MON2: variants seen among roughly 807,000 people sequenced by gnomAD.
The protein encoded by MON2 is MON2 regulator of endosome-to-Golgi trafficking, also known as protein MON2 homolog.
Under a neutral mutation model 208.6 loss-of-function variants are expected in MON2, and 84 were observed. That is an observed-to-expected ratio of 0.40 (90% CI 0.34 to 0.48). The LOEUF (loss-of-function observed/expected upper bound fraction) is 0.48. Ranked by LOEUF, MON2 falls within the 20% of genes least tolerant of loss-of-function variation. The pLI is 0.59. For missense variants in MON2, 1,611 were observed against 2,015.4 expected, an observed-to-expected ratio of 0.80 and a Z score of 3.84; for synonymous variants, 660 against 694.0, an observed-to-expected ratio of 0.95 and a Z score of 0.77.
intron 11 of MON2, among the ~76,000 whole-genome samples, chr12:62,528,374 T>G (rs943667029): frequency 1.3e-5 from 2 of 152,198 alleles, no homozygotes; most frequent in Admixed American, 1.3e-4. Context: ...TAAGTATTGG[T>G]GGCATATTCT....
At chr12:62,578,162 C>T (rs1306068474) in intron 30 of MON2, among the ~76,000 whole-genome samples, 3 of 152,204 alleles carry the variant, frequency 2.0e-5, no homozygotes, top group East Asian at 1.9e-4. Flanking sequence ...CTTTACCTTT[C>T]GTTGTTTTTT....
chr12:62,502,617 T>C (rs2070901008), intron 7 of MON2, among the ~76,000 whole-genome samples: 1 of 152,166 alleles, frequency 6.6e-6, no homozygotes, highest in Non-Finnish European at 1.5e-5. Flanking sequence ...GTGAGCTACT[T>C]GTATAATATT....
chr12:62,508,580 TCAA>T, intron 8 of MON2, 100 bp downstream of exon 8: 1 of 1,076,992 alleles, frequency 9.3e-7, no homozygotes, highest in Non-Finnish European at 1.4e-6. Context: ...TCAATTCAGT[TCAA>T]CAGAATTTTT....
At chr12:62,524,845 TGTG>T (rs2072252502) in intron 9 of MON2, among the ~76,000 whole-genome samples, 1 of 152,058 alleles carries the variant, frequency 6.6e-6, no homozygotes, top group African/African-American at 2.4e-5. Context: ...GGTAAACACA[TGTG>T]GTGAGTGATA....
intron 7 of MON2, among the ~76,000 whole-genome samples, chr12:62,502,492 T>C (rs919160526): frequency 4.6e-5 from 7 of 150,658 alleles, no homozygotes; most frequent in Admixed American, 1.3e-4. Flanking sequence ...GTTACATTAC[T>C]TTTTTTTTAG....
In MON2 at chr12:62,499,066, G is replaced by A. The variant is rs1202932277; in HGVS notation, c.565+18G>A. The A allele has an allele frequency of 1.9e-6, 3 of 1,604,704 alleles. No individual in the cohort carries two copies. The highest frequency in any genetic ancestry group is 3.4e-5 in the Admixed American group (2 of 58,044). On this transcript the variant is annotated intron_variant, in intron 5 of 34. Transcript: ENST00000393630. ...ACACAGAGGTAAAGTGCTAGAAGTT[G>A]TTTTACTTTGTGGGTGGTTCTTGGA...
intron 11 of MON2, among the ~76,000 whole-genome samples, chr12:62,527,905 CT>C (rs1049492326): frequency 6.6e-6 from 1 of 151,066 alleles, no homozygotes. Flanking sequence ...TGTAGAACTC[CT>C]TTTTAAAATT....
intron 26 of MON2, among the ~76,000 whole-genome samples, chr12:62,562,701 T>C (rs963566357): frequency 1.3e-5 from 2 of 152,192 alleles, no homozygotes; most frequent in African/African-American, 2.4e-5. Context: ...CTTAAACTAA[T>C]AGTTATCGAG....
At chr12:62,534,542 A>ATATATATATT (rs1306662466) in intron 12 of MON2, among the ~76,000 whole-genome samples, 2 of 22,850 alleles carry the variant, frequency 8.8e-5, no homozygotes, top group African/African-American at 3.9e-4. Flanking sequence ...AAAAAAAAAA[A>ATATATATATT]ATATATATAT....
intron 8 of MON2, among the ~76,000 whole-genome samples, chr12:62,519,380 G>A (rs372637437): frequency 3.3e-5 from 5 of 152,048 alleles, no homozygotes; most frequent in African/African-American, 1.2e-4. Context: ...AGAGGTATCA[G>A]GACCCAAAAT....
In MON2 at chr12:62,522,354, T is replaced by C. The variant is rs1167907893; in HGVS notation, c.985-2161T>C. ...ACTACCAAATCTATTAGCTCCAAGGTTGTTAACTCGGACAAGCTCCTGACA... is the reference window on the plus strand; with the variant it reads ...ACTACCAAATCTATTAGCTCCAAGGCTGTTAACTCGGACAAGCTCCTGACA... On this transcript the variant is annotated intron_variant, in intron 8 of 34. Coordinates refer to ENST00000393630, the MANE Select transcript of MON2 (RefSeq NM_015026.3). Among the ~76,000 whole-genome samples, 6 of 152,218 alleles carry C rather than the reference T, an allele frequency of 3.9e-5. No homozygotes were observed. In the South Asian group the frequency reaches 1.2e-3, roughly 32 times the overall value.
intron 19 of MON2, among the ~76,000 whole-genome samples, chr12:62,540,661 C>T (rs953520297): frequency 5.9e-5 from 9 of 151,974 alleles, no homozygotes; most frequent in Non-Finnish European, 1.2e-4. Flanking sequence ...AAAATGGATA[C>T]GCTGAGTAAA....
rs1176492064 is a variant in MON2, at chr12:62,556,333, G to A, written c.3409+141G>A. The A allele has an allele frequency of 4.9e-6, 4 of 823,650 alleles. No homozygotes were observed. In the South Asian group the frequency reaches 5.2e-5, roughly 11 times the overall value. 51.0% of individuals were successfully genotyped at this position (823,650 alleles called of 1,614,324 possible). On this transcript the variant is annotated intron_variant, in intron 25 of 34. Transcript: ENST00000393630. Reference sequence around the variant, plus strand: ...TAAGCATCTGTGTTTTCATTCGTTTGTACCTACTGTGGGCTAGCCTCTAGA... The same window carrying A: ...TAAGCATCTGTGTTTTCATTCGTTTATACCTACTGTGGGCTAGCCTCTAGA...
rs909752694 is a variant in MON2 at position 62,570,750 on chromosome 12, T to G, written c.4324-642T>G. ...TTTTTTTTTTTTTTTTTTTTTTTTT[T>G]TGAGACAGAGTCTCACTCTGTTGCC... On this transcript the variant is annotated intron_variant, in intron 29 of 34. Transcript: ENST00000393630. 1.6e-4 allele frequency among the ~76,000 whole-genome samples: 23 copies of G among 145,214 alleles called. No homozygotes were observed. In the East Asian group the frequency reaches 4.4e-3, roughly 28 times the overall value.
At chr12:62,540,753 G>A (rs1285315997) in intron 19 of MON2, among the ~76,000 whole-genome samples, 2 of 152,172 alleles carry the variant, frequency 1.3e-5, no homozygotes, top group Non-Finnish European at 2.9e-5. Flanking sequence ...ATATGGAATG[G>A]AAATTAAAAC....
intron 5 of MON2, among the ~76,000 whole-genome samples, chr12:62,500,366 G>A (rs954037330): frequency 3.3e-5 from 5 of 152,172 alleles, no homozygotes; most frequent in Non-Finnish European, 7.3e-5. Flanking sequence ...AACAGCAGCA[G>A]ATCAAGCAGT....
intron 25 of MON2, among the ~76,000 whole-genome samples, chr12:62,556,811 C>T (rs1030804227): frequency 1.2e-4 from 18 of 152,174 alleles, no homozygotes; most frequent in Admixed American, 2.0e-4. Flanking sequence ...CATGGTGGCT[C>T]ATGCCTATAA....
At chr12:62,519,013 A>G (rs1159271081) in intron 8 of MON2, among the ~76,000 whole-genome samples, 1 of 152,168 alleles carries the variant, frequency 6.6e-6, no homozygotes. Flanking sequence ...TTAAACCTGG[A>G]AATGGTACAT....
chr12:62,549,084 A>T (rs1452150668), intron 22 of MON2, among the ~76,000 whole-genome samples: 1 of 152,174 alleles, frequency 6.6e-6, no homozygotes, highest in African/African-American at 2.4e-5. Context: ...GTTAGTTGGT[A>T]TGAAATACAA....
Sources: allele counts gnomAD v4.1 joint callset (sites outside exome capture counted in the v4.1 genomes callset), GRCh38; gene constraint gnomAD v4.1.1; transcripts MANE v1.5; gene names NCBI Gene and HGNC (gene_info 2026-07-23, HGNC 2026-07-21).